The following ACIN1 variants were observed in gnomAD, a reference collection of about 807,000 sequenced individuals.
ACIN1 encodes the protein apoptotic chromatin condensation inducer 1.
A neutral mutation model predicts 146.6 loss-of-function variants in ACIN1; 16 were observed. The observed-to-expected ratio is 0.11, with a 90% CI of 0.07 to 0.17. ACIN1 has a LOEUF of 0.17. ACIN1 is among the 10% of genes least tolerant of loss of function. The pLI is 1.00. For synonymous variants in ACIN1, 569 were observed against 582.7 expected (o/e 0.98, Z 0.34); for missense variants, 1,357 against 1,609.3 (o/e 0.84, Z 2.68).
intron 4 of ACIN1, among the ~76,000 whole-genome samples, chr14:23,082,683 G>T (rs983884541): frequency 1.2e-4 from 18 of 151,732 alleles, no homozygotes; most frequent in Admixed American, 3.9e-4. Context: ...GACCTCAAGT[G>T]ATCTGCCCGC....
chr14:23,059,731 GC>G (rs920993806), intron 18 of ACIN1, among the ~76,000 whole-genome samples: 14 of 149,718 alleles, frequency 9.4e-5, no homozygotes, highest in African/African-American at 3.5e-4. Context: ...TCGGCTCACT[GC>G]AAGCTCCACC....
intron 4 of ACIN1, among the ~76,000 whole-genome samples, chr14:23,086,892 G>C (rs2048103472): frequency 6.6e-6 from 1 of 152,126 alleles, no homozygotes; most frequent in Non-Finnish European, 1.5e-5. Context: ...CCTTCAGTTA[G>C]TCATTCATAA....
intron 2 of ACIN1, among the ~76,000 whole-genome samples, chr14:23,092,364 T>C (rs541369986): frequency 9.1e-6 from 1 of 110,304 alleles, no homozygotes; most frequent in South Asian, 2.8e-4. Context: ...ATAGGCATGT[T>C]TGCTGCACAA....
At position 23,095,100 on chromosome 14, in the gene ACIN1, C is replaced by T. The variant is rs765151405; in HGVS notation, c.13G>A (p.Glu5Lys). 22 of 1,614,256 alleles carry T rather than the reference C, an allele frequency of 1.4e-5. No homozygotes were observed. In the East Asian group the frequency reaches 4.9e-4, roughly 36 times the overall value. The change falls in exon 1 of 19, where the codon GAG (glutamate) becomes AAG (lysine). Residue 5 changes from glutamate (E) to lysine (K), a missense_variant. Glu to Lys is a moderately conservative substitution (Grantham distance 56, BLOSUM62 1). Coordinates refer to ENST00000605057, the MANE Select transcript of ACIN1 (RefSeq NM_001386863.1). The stretch of plus-strand genomic sequence containing the variant: ...GGCTTCCCGTCCAGAGTCACCTCCT[C>T]CAGCTCCGCCATCTTGCGTGAGGTA... Reference protein sequence around the residue: MAELEEVTLDGKPLQ... With the variant: MAELKEVTLDGKPLQ...
intron 4 of ACIN1, among the ~76,000 whole-genome samples, chr14:23,088,904 G>A (rs1392114221): frequency 6.6e-6 from 1 of 152,098 alleles, no homozygotes; most frequent in Non-Finnish European, 1.5e-5. Context: ...AAAAAGTTTT[G>A]GGTCTTTGGA....
upstream of ACIN1, chr14:23,095,185 C>A: frequency 6.2e-7 from 1 of 1,614,232 alleles, no homozygotes; most frequent in Non-Finnish European, 8.5e-7. Context: ...GCCCTTCGAA[C>A]GTACCGAGAT....
rs781073719 is a variant in ACIN1 at position 23,061,526 on chromosome 14, G to T, written c.3196C>A (p.Pro1066Thr). Reference sequence around the variant, plus strand: ...CGGGGGTGCTGTGGTGGCTGGACCGGGGGTGGGGGTGGGGGGTGCAGGGGC... The same window carrying T: ...CGGGGGTGCTGTGGTGGCTGGACCGTGGGTGGGGGTGGGGGGTGCAGGGGC... ...PRPLHPPPPPPVQPPQHPRAE... is the reference protein window; with the variant it reads ...PRPLHPPPPPTVQPPQHPRAE... The change falls in exon 17 of 19, where the codon CCG (proline) becomes ACG (threonine). Residue 1066 changes from proline (P) to threonine (T), a missense_variant. Coordinates refer to ENST00000605057, the MANE Select transcript of ACIN1 (RefSeq NM_001386863.1). 2.2e-5 allele frequency: 35 copies of T among 1,603,960 alleles called. No individual in the cohort carries two copies. The South Asian group carries it at 2.7e-4, about 12-fold the overall frequency.
Position 23,068,937 on chromosome 14 carries a change from T to C in ACIN1, c.2265+539A>G, listed in dbSNP as rs2047541090. ...AGATAACATATGCCAAAAAAGGAGG[T>C]AGAGGGGTCACAGGTAACTGAGAAT... On this transcript the variant is annotated intron_variant, in intron 9 of 18. Coordinates refer to ENST00000605057, the MANE Select transcript of ACIN1 (RefSeq NM_001386863.1). The surrounding 1 kb of genome is among the most constrained non-coding windows in gnomAD (Gnocchi z 4.3). The C allele has an allele frequency of 1.0e-6, 1 of 984,622 alleles. No individual in the cohort carries two copies. Among genetic ancestry groups the C allele is most frequent in the Non-Finnish European group, 1.2e-6 (1 of 829,846 alleles). 61.0% of individuals were successfully genotyped at this position (984,622 alleles called of 1,614,324 possible).
chr14:23,092,807 T>C (rs1448551940), intron 2 of ACIN1, among the ~76,000 whole-genome samples: 1 of 152,204 alleles, frequency 6.6e-6, no homozygotes, highest in African/African-American at 2.4e-5. Context: ...GAGAGGAGTA[T>C]GAGCCTTGCT....
rs762057001 is a variant in ACIN1 at position 23,063,534 on chromosome 14, T to C, written c.2639A>G (p.Glu880Gly). The C allele has an allele frequency of 6.2e-6, 10 of 1,614,188 alleles. No homozygotes were observed. The highest frequency in any genetic ancestry group is 3.3e-4 in the Middle Eastern group (2 of 6,062). The change falls in exon 13 of 19, where the codon GAG becomes GGG. Residue 880 changes from glutamate to glycine, a missense_variant. Around this residue, in one of 4 missense-constraint regions of ACIN1, gnomAD observed 509 missense variants for 719.6 expected, o/e 0.71. Coordinates refer to ENST00000605057, the MANE Select transcript of ACIN1 (RefSeq NM_001386863.1). ...TGCTTCAGGTTCCTTCTCTTCTTCC[T>C]CTTCTTCCCTCTGCCCATTCTCCTG... ...EGQENGQREEEEEEKEPEAEP... is the reference protein window; with the variant it reads ...EGQENGQREEGEEEKEPEAEP...
chr14:23,095,521 GC>G, upstream of ACIN1: 1 of 555,676 alleles, frequency 1.8e-6, no homozygotes, highest in Non-Finnish European at 3.1e-6. Context: ...TGCCGGGCTG[GC>G]CCAGCTTAGG....
chr14:23,069,558 G>A lies in ACIN1; in HGVS notation c.2183C>T (p.Pro728Leu), dbSNP rs376370084. 1.2e-6 allele frequency: 2 copies of A among 1,613,030 alleles called. No individual in the cohort carries two copies. The highest frequency in any genetic ancestry group is 1.3e-5 in the African/African-American group (1 of 74,804). The change falls in exon 9 of 19, where the codon CCA becomes CTA. Residue 728 changes from proline (P) to leucine (L), a missense_variant. By Grantham distance (98) the Pro-to-Leu change is moderately conservative (BLOSUM62 -3). Around this residue, in one of 4 missense-constraint regions of ACIN1, gnomAD observed 771 missense variants for 746.6 expected, o/e 1.03. Coordinates refer to ENST00000605057, the MANE Select transcript of ACIN1 (RefSeq NM_001386863.1). Reference sequence around the variant, plus strand: ...GTCTGCAATAGGCATGGGAGGTTCTGGAACATCATTTTCAGGTCTGTTTTC... The same window carrying A: ...GTCTGCAATAGGCATGGGAGGTTCTAGAACATCATTTTCAGGTCTGTTTTC... ...TSENRPENDV[P>L]EPPMPIADQV...
rs1447917986 is a variant in ACIN1 at position 23,080,062 on chromosome 14, G to A, written c.1273C>T (p.Pro425Ser). 2 of 1,614,142 alleles carry A rather than the reference G, an allele frequency of 1.2e-6. No homozygotes were observed. Among genetic ancestry groups the A allele is most frequent in the South Asian group, 1.1e-5 (1 of 91,082 alleles). ...LVGGLSPLSS[P>S]SDTKAESPAE... ...GGAGATTCTGCTTTGGTGTCTGAAG[G>A]ACTTGACAAAGGAGACAGGCCTCCT... The change falls in exon 6 of 19, where the codon CCT (proline) becomes TCT (serine). Residue 425 changes from proline (P) to serine (S), a missense_variant. Around this residue, in one of 4 missense-constraint regions of ACIN1, gnomAD observed 771 missense variants for 746.6 expected, o/e 1.03. Coordinates refer to ENST00000605057, the MANE Select transcript of ACIN1 (RefSeq NM_001386863.1).
chr14:23,060,204 G>A (rs1594736531), intron 18 of ACIN1, among the ~76,000 whole-genome samples: 1 of 145,678 alleles, frequency 6.9e-6, no homozygotes, highest in Non-Finnish European at 1.5e-5. Flanking sequence ...TGGAGGCTTA[G>A]ATGATCCGCC....
chr14:23,094,384 C>T (rs1038393832), intron 1 of ACIN1: 1 of 736,180 alleles, frequency 1.4e-6, no homozygotes, highest in Non-Finnish European at 1.7e-6. Context: ...TCGCCTCTCT[C>T]ACCAATATTC....
chr14:23,061,504 G>A lies in ACIN1; in HGVS notation c.3218C>T (p.Pro1073Leu). Residue 1073 changes from proline to leucine, a missense_variant, in exon 17 of 19, where the codon CCC (proline) becomes CTC (leucine). Transcript: ENST00000605057. ...PPPPVQPPQH[P>L]RAEQREQERA... Reference sequence around the variant, plus strand: ...TTCCTGCTCCCGCTGCTCTGCCCGGGGGTGCTGTGGTGGCTGGACCGGGGG... The same window carrying A: ...TTCCTGCTCCCGCTGCTCTGCCCGGAGGTGCTGTGGTGGCTGGACCGGGGG... 2.5e-6 allele frequency: 4 copies of A among 1,612,164 alleles called. No individual in the cohort carries two copies. Among genetic ancestry groups the A allele is most frequent in the South Asian group, 1.1e-5 (1 of 90,976 alleles).
chr14:23,080,774 A>T lies in ACIN1; in HGVS notation c.561T>A (p.Pro187=). The change falls in exon 6 of 19, where the codon CCT becomes CCA. Residue 187 remains proline (P), a synonymous_variant. Coordinates refer to ENST00000605057, the MANE Select transcript of ACIN1 (RefSeq NM_001386863.1). ...RAAKLSEGSQ[P]AEEEEDQETP... ...TTTCTTGATCCTCTTCCTCCTCAGC[A>T]GGTTGGCTGCCCTCAGACAGTTTAG... The T allele has an allele frequency of 6.2e-7, 1 of 1,611,356 alleles. No individual in the cohort carries two copies.
chr14:23,058,864 T>TGGCTGTTCCCCATCTCTGGCCAACC lies in ACIN1; in HGVS notation c.*259_*283dup. The TGGCTGTTCCCCATCTCTGGCCAACC allele has an allele frequency of 2.1e-6, 1 of 484,518 alleles. No homozygotes were observed. Among genetic ancestry groups the TGGCTGTTCCCCATCTCTGGCCAACC allele is most frequent in the Non-Finnish European group, 3.7e-6 (1 of 270,102 alleles). The allele number at this position is 484,518 out of a possible 1,614,324, so 30.0% of individuals were successfully genotyped here. A position where few individuals can be genotyped will look rare whatever the true frequency, so the allele number is the denominator to read the frequency against. ...GGAAAAATCAGAGGACTGGGGCACC[T>TGGCTGTTCCCCATCTCTGGCCAACC]GGCTGTTCCCCATCTCTGGCCAACC... On this transcript the variant is annotated 3_prime_UTR_variant, in exon 19 of 19. Coordinates refer to ENST00000605057, the MANE Select transcript of ACIN1 (RefSeq NM_001386863.1).
intron 8 of ACIN1, among the ~76,000 whole-genome samples, chr14:23,072,516 C>A (rs1314250204): frequency 6.6e-6 from 1 of 152,180 alleles, no homozygotes; most frequent in Admixed American, 6.5e-5. Context: ...TCATGGGAAT[C>A]TTCACTAGAC....
Sources: gnomAD v4.1 joint callset for allele counts (sites outside exome capture counted in the v4.1 genomes callset) on GRCh38, gnomAD v4.1.1 for gene constraint, gnomAD v4.1.1 regional missense constraint, Gnocchi (gnomAD v3.1) non-coding constraint, MANE v1.5 for transcripts, NCBI Gene and HGNC (gene_info 2026-07-23, HGNC 2026-07-21) for gene names.